The following MSMB variants were observed in gnomAD, a reference collection of about 807,000 sequenced individuals.
The protein encoded by MSMB is beta-microseminoprotein.
Under a neutral mutation model 10.5 loss-of-function variants are expected in MSMB, and 10 were observed. That is an observed-to-expected ratio of 0.95 (90% CI 0.59 to 1.62). MSMB has a LOEUF of 1.62. MSMB is among the 40% of genes most tolerant of loss of function. The pLI, the probability that MSMB is intolerant of heterozygous loss-of-function variation, is 0.00. For synonymous variants in MSMB, 43 were observed against 46.5 expected (o/e 0.93, Z 0.30); for missense variants, 126 against 137.4 (o/e 0.92, Z 0.42).
intron 3 of MSMB, among the ~76,000 whole-genome samples, chr10:46,035,963 A>G (rs148058617): frequency 6.6e-6 from 1 of 152,238 alleles, no homozygotes; most frequent in African/African-American, 2.4e-5. Flanking sequence ...ATATTACTGC[A>G]TGCTTATTTC....
chr10:46,043,768 G>A (rs1052875830), intron 1 of MSMB, among the ~76,000 whole-genome samples: 12 of 151,996 alleles, frequency 7.9e-5, no homozygotes, highest in African/African-American at 2.7e-4. Context: ...TCCGCCTCCC[G>A]GGTTCAAGTG....
intron 1 of MSMB, among the ~76,000 whole-genome samples, chr10:46,043,809 G>A (rs1840809875): frequency 6.6e-6 from 1 of 152,046 alleles, no homozygotes; most frequent in Admixed American, 6.6e-5. Context: ...TGAGTAGCTG[G>A]GATTACAGGA....
chr10:46,034,059 G>A (rs1480602761), intron 3 of MSMB, among the ~76,000 whole-genome samples: 1 of 152,186 alleles, frequency 6.6e-6, no homozygotes, highest in Non-Finnish European at 1.5e-5. Flanking sequence ...ATATTTTGAA[G>A]AGTTCTGATG....
At position 46,046,262 on chromosome 10, in the gene MSMB, A is replaced by G. The variant is rs782267503; in HGVS notation, c.-25T>C. The G allele has an allele frequency of 6.2e-7, 1 of 1,611,828 alleles. No individual in the cohort carries two copies. On this transcript the variant is annotated 5_prime_UTR_variant, in exon 1 of 4. Transcript: ENST00000582163. ...TTGTGATAAGCAGGACTCCTTATAG[A>G]CAGGTACATCCAGGCAAAGCTGCAT...
rs187523548 is a variant in MSMB at position 46,040,811 on chromosome 10, G to A, written c.4-720C>T. Among the ~76,000 whole-genome samples, 130 of 152,224 alleles carry A rather than the reference G, an allele frequency of 8.5e-4. No homozygotes were observed. In the East Asian group the frequency reaches 0.017, roughly 20 times the overall value. On this transcript the variant is annotated intron_variant, in intron 1 of 3. Coordinates refer to ENST00000582163, the MANE Select transcript of MSMB (RefSeq NM_002443.4). ...CTACTAAAAATACAAAAAATTAGCC[G>A]GGTGTGGTGGTGGGTGCCTGTAGTC...
At chr10:46,045,389 G>C (rs192291114) in intron 1 of MSMB, among the ~76,000 whole-genome samples, 20 of 151,966 alleles carry the variant, frequency 1.3e-4, no homozygotes, top group African/African-American at 4.8e-4. Flanking sequence ...AAAATTAGTC[G>C]GGCATGGTGG....
chr10:46,038,362 A>G (rs1212239853), intron 3 of MSMB, among the ~76,000 whole-genome samples: 1 of 150,962 alleles, frequency 6.6e-6, no homozygotes, highest in African/African-American at 2.4e-5. Flanking sequence ...ATCTCGGCTC[A>G]CTGCAAGCTC....
intron 3 of MSMB, among the ~76,000 whole-genome samples, chr10:46,034,986 C>CAAAT (rs1253350232): frequency 2.0e-5 from 3 of 151,618 alleles, no homozygotes; most frequent in Admixed American, 6.6e-5. Context: ...TTTTTTAATA[C>CAAAT]AAATAAATAA....
At chr10:46,034,329 C>A (rs370261262) in intron 3 of MSMB, among the ~76,000 whole-genome samples, 1 of 151,404 alleles carries the variant, frequency 6.6e-6, no homozygotes, top group African/African-American at 2.4e-5. Flanking sequence ...GAGGTCTCAC[C>A]ATGTTGGCCA....
intron 1 of MSMB, among the ~76,000 whole-genome samples, chr10:46,040,810 C>T (rs934126612): frequency 2.0e-5 from 3 of 152,028 alleles, no homozygotes; most frequent in Non-Finnish European, 4.4e-5. Flanking sequence ...AAAAATTAGC[C>T]GGGTGTGGTG....
chr10:46,041,344 CA>C (rs60728604), intron 1 of MSMB, among the ~76,000 whole-genome samples: 431 of 96,562 alleles, frequency 4.5e-3, no homozygotes, highest in Middle Eastern at 0.014. Flanking sequence ...GACTCCGTCT[CA>C]AAAAAAAAAA....
At position 46,039,807 on chromosome 10, in the gene MSMB, G is replaced by A. The variant is rs139617297; in HGVS notation, c.109+179C>T. ...TGAGGAGGTAGAATCACTGGAACCCGGGAGGAGGAGTTTGCAGTGAGCTGA... is the reference window on the plus strand; with the variant it reads ...TGAGGAGGTAGAATCACTGGAACCCAGGAGGAGGAGTTTGCAGTGAGCTGA... On this transcript the variant is annotated intron_variant, in intron 2 of 3. Transcript: ENST00000582163. 3.1e-3 allele frequency among the ~76,000 whole-genome samples: 469 copies of A among 152,298 alleles called. 2 individuals carry two copies. Among genetic ancestry groups the A allele is most frequent in the African/African-American group, 0.01 (433 of 41,584 alleles).
intron 1 of MSMB, 23 bp from the exon 2 acceptor site, chr10:46,040,114 G>T: frequency 6.3e-7 from 1 of 1,591,930 alleles, no homozygotes; most frequent in South Asian, 1.1e-5. Context: ...GAAAGGTCAG[G>T]GTGGAGAATG....
chr10:46,044,075 C>T (rs1014595035), intron 1 of MSMB, among the ~76,000 whole-genome samples: 1 of 152,144 alleles, frequency 6.6e-6, no homozygotes, highest in Non-Finnish European at 1.5e-5. Flanking sequence ...GAGGTCCACC[C>T]CTGAGTAGAG....
rs1210175775 is a variant in MSMB, at chr10:46,044,999, A to G, written c.3+1236T>C. Among the ~76,000 whole-genome samples, 3 of 151,928 alleles carry G rather than the reference A, an allele frequency of 2.0e-5. No homozygotes were observed. In the East Asian group the frequency reaches 5.8e-4, roughly 29 times the overall value. Reference sequence around the variant, plus strand: ...ACCATCCCCAGTTCTGCCTCCGGACAGTTTCTGAGAGCAAGTTTGTCTTGC... The same window carrying G: ...ACCATCCCCAGTTCTGCCTCCGGACGGTTTCTGAGAGCAAGTTTGTCTTGC... On this transcript the variant is annotated intron_variant, in intron 1 of 3. Transcript: ENST00000582163.
intron 3 of MSMB, among the ~76,000 whole-genome samples, chr10:46,034,231 G>A (rs900947040): frequency 7.9e-5 from 12 of 152,070 alleles, no homozygotes; most frequent in Non-Finnish European, 1.5e-4. Context: ...TCCTGCCTCA[G>A]CCTCTTGAGT....
intron 1 of MSMB, among the ~76,000 whole-genome samples, chr10:46,045,448 C>G (rs952674504): frequency 4.6e-5 from 7 of 152,094 alleles, no homozygotes; most frequent in African/African-American, 1.7e-4. Context: ...GGGAGGATCA[C>G]CTGAGCCCAG....
chr10:46,039,056 T>C lies in MSMB; in HGVS notation c.125A>G (p.Lys42Arg), dbSNP rs782541146. 6.2e-7 allele frequency: 1 copy of C among 1,613,976 alleles called. No homozygotes were observed. Among genetic ancestry groups the C allele is most frequent in the Non-Finnish European group, 8.5e-7 (1 of 1,179,910 alleles). The change falls in exon 3 of 4, where the codon AAA (lysine) becomes AGA (arginine). Residue 42 changes from lysine to arginine, a missense_variant. By Grantham distance (26) the Lys-to-Arg change is conservative. Transcript: ENST00000582163. ...CGAGTTTATTGGGTGTTTGTTTCCT[T>C]TGAGATCCATGCATTCTAAAATAAT... Reference protein sequence around the residue: ...GDSTRKCMDLKGNKHPINSEW... With the variant: ...GDSTRKCMDLRGNKHPINSEW...
chr10:46,041,922 A>G lies in MSMB; in HGVS notation c.4-1831T>C, dbSNP rs145769425. Among the ~76,000 whole-genome samples, 701 of 152,302 alleles carry G rather than the reference A, an allele frequency of 4.6e-3. 7 individuals are homozygous for G. Among genetic ancestry groups the G allele is most frequent in the African/African-American group, 0.016 (650 of 41,572 alleles). On this transcript the variant is annotated intron_variant, in intron 1 of 3. Coordinates refer to ENST00000582163, the MANE Select transcript of MSMB (RefSeq NM_002443.4). ...AATATATGTAGAAGTTTATTATAAA[A>G]TAAACATGTTCTTTGAGATCTGTGG...
Sources: gnomAD v4.1 joint callset for allele counts (sites outside exome capture counted in the v4.1 genomes callset) on GRCh38, gnomAD v4.1.1 for gene constraint, MANE v1.5 for transcripts, NCBI Gene and HGNC (gene_info 2026-07-23, HGNC 2026-07-21) for gene names.